The following CD300A variants were observed in gnomAD, a reference collection of about 807,000 sequenced individuals.
CD300A encodes CMRF35-like molecule 8.
Under a neutral mutation model 33.6 loss-of-function variants are expected in CD300A, and 22 were observed. That is an observed-to-expected ratio of 0.66 (90% CI 0.47 to 0.94). The LOEUF (loss-of-function observed/expected upper bound fraction) is 0.94, where lower values mean the gene tolerates loss of function less well. CD300A is among the 40% of genes least tolerant of loss of function. CD300A has a pLI of 0.00. For synonymous variants in CD300A, 136 were observed against 148.1 expected, an observed-to-expected ratio of 0.92 and a Z score of 0.59; for missense variants, 326 against 360.5, an observed-to-expected ratio of 0.90 and a Z score of 0.77.
chr17:74,473,990 G>C (rs925590401), intron 2 of CD300A, 116 bp downstream of exon 2: 27 of 1,209,880 alleles, frequency 2.2e-5, no homozygotes, highest in Non-Finnish European at 3.0e-5. Flanking sequence ...AAGAGAGAGA[G>C]AGGTGGGGGC....
rs559327918 is a variant in CD300A at position 74,482,192 on chromosome 17, G to T, written c.774+359G>T. 1.9e-3 allele frequency among the ~76,000 whole-genome samples: 286 copies of T among 151,954 alleles called. 1 individual carries two copies. Among genetic ancestry groups the T allele is most frequent in the African/African-American group, 6.7e-3 (276 of 41,384 alleles). On this transcript the variant is annotated intron_variant, in intron 6 of 6. Coordinates refer to ENST00000360141, the MANE Select transcript of CD300A (RefSeq NM_007261.4). The stretch of plus-strand genomic sequence containing the variant: ...ACATCAATTCTGCTTTCGGGTTTTT[G>T]TCTGTGACCCGCTGTGGGTCAACCC...
At chr17:74,481,426 G>A (rs1254590581) in intron 5 of CD300A, 100 bp downstream of exon 5, 6 of 1,077,738 alleles carry the variant, frequency 5.6e-6, no homozygotes, top group Non-Finnish European at 8.5e-6. Context: ...AGGTTGGATG[G>A]AGCGGGGAGC....
chr17:74,482,411 C>T (rs921155582), intron 6 of CD300A, among the ~76,000 whole-genome samples: 5 of 151,228 alleles, frequency 3.3e-5, no homozygotes, highest in South Asian at 2.1e-4. Flanking sequence ...TCAGACAAGT[C>T]GTGTGGTGCC....
At chr17:74,469,247 G>A (rs1454852073) in intron 1 of CD300A, among the ~76,000 whole-genome samples, 1 of 151,732 alleles carries the variant, frequency 6.6e-6, no homozygotes, top group African/African-American at 2.4e-5. Context: ...ATCTAGCTGG[G>A]TGCAGTGGCT....
At chr17:74,471,132 G>C (rs1906074401) in intron 1 of CD300A, among the ~76,000 whole-genome samples, 1 of 152,140 alleles carries the variant, frequency 6.6e-6, no homozygotes. Flanking sequence ...TTTTTTTGTA[G>C]AGATGGAATC....
chr17:74,478,250 C>T, intron 4 of CD300A, among the ~76,000 whole-genome samples: 1 of 152,208 alleles, frequency 6.6e-6, no homozygotes, highest in East Asian at 1.9e-4. Context: ...GGCTTGGGGC[C>T]CCTCCTGGCT....
At chr17:74,466,805 G>A (rs544159436) in intron 1 of CD300A, 62 bp downstream of exon 1, 6 of 1,554,272 alleles carry the variant, frequency 3.9e-6, no homozygotes, top group East Asian at 4.8e-5. Context: ...GGGCAGGGCC[G>A]CAGGGCAGGT....
rs1418045876 is a variant in CD300A, at chr17:74,480,032, CGGGCG to C, written c.629-1256_629-1252del. ...ACCTTCTCACTACCACCCTCCTTCC[CGGGCG>C]TTGAACTCCTGTCTCTTCCCCACCA... On this transcript the variant is annotated intron_variant, in intron 4 of 6. Transcript: ENST00000360141. This position sits in a 1 kb window ranked among gnomAD's most constrained non-coding sequence, Gnocchi z 4.2. 9.9e-5 allele frequency among the ~76,000 whole-genome samples: 15 copies of C among 152,278 alleles called. No individual in the cohort carries two copies. Among genetic ancestry groups the C allele is most frequent in the African/African-American group, 3.6e-4 (15 of 41,556 alleles).
chr17:74,481,138 C>T, intron 4 of CD300A, 151 bp from the exon 5 acceptor site: 1 of 632,154 alleles, frequency 1.6e-6, no homozygotes, highest in Non-Finnish European at 2.9e-6. Flanking sequence ...ACTCAACAAA[C>T]CCTTGAGTTC....
chr17:74,482,831 C>A (rs1304160658), intron 6 of CD300A, among the ~76,000 whole-genome samples: 1 of 150,914 alleles, frequency 6.6e-6, no homozygotes, highest in Non-Finnish European at 1.5e-5. Context: ...CTGCCTCAGC[C>A]TCCAGAGTAG....
In CD300A at chr17:74,481,818, G is replaced by A. The variant is rs1282807797; in HGVS notation, c.759G>A (p.Val253=). The change falls in exon 6 of 7, where the codon GTG becomes GTA. Residue 253 remains valine (V), a synonymous_variant. Transcript: ENST00000360141. ...CAGCACCACCAAGGGAGGTGGAGGT[G>A]GAATACAGCACTGTGGTAAGTGCAG... is the stretch of plus-strand genomic sequence containing the variant. ...EKPAPPREVE[V]EYSTVASPRE... 1.2e-6 allele frequency: 2 copies of A among 1,611,206 alleles called. No homozygotes were observed. Among genetic ancestry groups the A allele is most frequent in the Middle Eastern group, 1.7e-4 (1 of 5,956 alleles).
In CD300A at chr17:74,484,131, T is replaced by C. The variant is rs143465736; in HGVS notation, c.*5T>C. 616 of 1,613,210 alleles carry C rather than the reference T, an allele frequency of 3.8e-4. 5 individuals carry two copies. In the East Asian group the frequency reaches 7.0e-3, roughly 18 times the overall value. On this transcript the variant is annotated 3_prime_UTR_variant, in exon 7 of 7. Coordinates refer to ENST00000360141, the MANE Select transcript of CD300A (RefSeq NM_007261.4). ...AGTGTGATAAGGAAGACATAGGCTT[T>C]TGTCCTGCCTCGCCATCGGAGCTCT...
intron 1 of CD300A, among the ~76,000 whole-genome samples, chr17:74,472,272 G>C (rs142307125): frequency 1.3e-5 from 2 of 151,030 alleles, no homozygotes; most frequent in Non-Finnish European, 2.9e-5. Flanking sequence ...TCTAACCCAA[G>C]GAAAGAAGAG....
In CD300A at chr17:74,483,916, G is replaced by T. The variant is rs372317582; in HGVS notation, c.775-85G>T. On this transcript the variant is annotated intron_variant, in intron 6 of 6. Transcript: ENST00000360141. ...GTGAGGCCTCCCCAAAGCCCCTCAG[G>T]TGTCCTCCCTCCTCCATCCTATGTT... 216 of 1,512,778 alleles carry T rather than the reference G, an allele frequency of 1.4e-4. No individual in the cohort carries two copies. In the African/African-American group the frequency reaches 2.5e-3, roughly 18 times the overall value. 93.7% of individuals were successfully genotyped at this position (1,512,778 alleles called of 1,614,324 possible). A position where few individuals can be genotyped will look rare whatever the true frequency, so the allele number is the denominator to read the frequency against.
chr17:74,478,772 T>C (rs1906645085), intron 4 of CD300A, among the ~76,000 whole-genome samples: 1 of 152,154 alleles, frequency 6.6e-6, no homozygotes, highest in African/African-American at 2.4e-5. Context: ...GCTGCATGCT[T>C]GGTGGGGGGC....
At chr17:74,470,658 ATT>A (rs35719402) in intron 1 of CD300A, among the ~76,000 whole-genome samples, 1 of 151,566 alleles carries the variant, frequency 6.6e-6, no homozygotes, top group African/African-American at 2.4e-5. Context: ...GTTTTTATTT[ATT>A]TTTTTTGAGA....
intron 4 of CD300A, among the ~76,000 whole-genome samples, chr17:74,479,505 A>T (rs1336293899): frequency 1.3e-5 from 2 of 152,080 alleles, no homozygotes; most frequent in African/African-American, 4.8e-5. Context: ...CTGGGATTAC[A>T]GATGTGAGCC....
intron 3 of CD300A, among the ~76,000 whole-genome samples, chr17:74,476,169 G>C (rs1364939592): frequency 6.6e-6 from 1 of 152,032 alleles, no homozygotes; most frequent in Non-Finnish European, 1.5e-5. Flanking sequence ...GCTGGCTCAG[G>C]GCTCCAAATC....
chr17:74,473,449 C>G, intron 1 of CD300A, 87 bp from the exon 2 acceptor site: 1 of 1,301,130 alleles, frequency 7.7e-7, no homozygotes, highest in Non-Finnish European at 1.1e-6. Flanking sequence ...TCCTCCACAC[C>G]CCCAGGGTCC....
Sources: gnomAD v4.1 joint callset for allele counts (sites outside exome capture counted in the v4.1 genomes callset) on GRCh38, gnomAD v4.1.1 for gene constraint, Gnocchi (gnomAD v3.1) non-coding constraint, MANE v1.5 for transcripts, NCBI Gene and HGNC (gene_info 2026-07-23, HGNC 2026-07-21) for gene names.